GRM3: variants seen among roughly 807,000 people sequenced by gnomAD.
GRM3 encodes the protein glutamate metabotropic receptor 3.
A neutral mutation model predicts 70.5 loss-of-function variants in GRM3; 26 were observed. That is an observed-to-expected ratio of 0.37 (90% confidence interval 0.27 to 0.51). The LOEUF (loss-of-function observed/expected upper bound fraction) is 0.51. GRM3 is among the 20% of genes least tolerant of loss of function. GRM3 has a pLI of 0.93. For missense variants in GRM3, 859 were observed against 1,123.8 expected, an observed-to-expected ratio of 0.76 and a Z score of 3.37; for synonymous variants, 443 against 434.9, an observed-to-expected ratio of 1.02 and a Z score of -0.23.
At chr7:86,759,491 T>C (rs964975792) in intron 1 of GRM3, among the ~76,000 whole-genome samples, 2 of 152,156 alleles carry the variant, frequency 1.3e-5, no homozygotes, top group African/African-American at 2.4e-5. Context: ...TGCATGCTAC[T>C]GGGAATTTAT....
At chr7:86,668,348 A>T (rs1269480789) in intron 1 of GRM3, among the ~76,000 whole-genome samples, 1 of 152,070 alleles carries the variant, frequency 6.6e-6, no homozygotes, top group African/African-American at 2.4e-5. Context: ...AAATGTACAT[A>T]CATTCACTCA....
At chr7:86,796,003 C>T (rs900280220) in intron 3 of GRM3, among the ~76,000 whole-genome samples, 3 of 152,134 alleles carry the variant, frequency 2.0e-5, no homozygotes, top group Non-Finnish European at 2.9e-5. Flanking sequence ...AATTTTCTCC[C>T]GTTCCGTAGG....
chr7:86,787,989 G>C (rs1264428361), intron 3 of GRM3, among the ~76,000 whole-genome samples: 1 of 152,130 alleles, frequency 6.6e-6, no homozygotes, highest in African/African-American at 2.4e-5. Context: ...CACTTGTTCT[G>C]GGTAGTATAG....
chr7:86,850,578 C>T, intron 5 of GRM3, 34 bp downstream of exon 5: 2 of 1,426,270 alleles, frequency 1.4e-6, no homozygotes, highest in Non-Finnish European at 9.9e-7. Flanking sequence ...CTCCTTCATA[C>T]ATAGCATTGT....
At position 86,660,223 on chromosome 7, in the gene GRM3, G is replaced by A. The variant is rs375325790; in HGVS notation, c.-141+15351G>A. On this transcript the variant is annotated intron_variant, in intron 1 of 5. Transcript: ENST00000361669. ...TGAAACTGACCTTAAATCCCTAGGAGGAGAACAGAACAGCTTAAAGCAACC... is the reference window on the plus strand; with the variant it reads ...TGAAACTGACCTTAAATCCCTAGGAAGAGAACAGAACAGCTTAAAGCAACC... 5.3e-5 allele frequency among the ~76,000 whole-genome samples: 8 copies of A among 152,130 alleles called. No individual in the cohort carries two copies. The East Asian group carries it at 7.7e-4, about 15-fold the overall frequency.
At chr7:86,760,022 C>T (rs1054504290) in intron 1 of GRM3, among the ~76,000 whole-genome samples, 6 of 152,102 alleles carry the variant, frequency 3.9e-5, no homozygotes, top group African/African-American at 1.4e-4. Context: ...TCAAATTGCA[C>T]ATACTAGGAC....
At chr7:86,685,730 C>T (rs1312527880) in intron 1 of GRM3, among the ~76,000 whole-genome samples, 2 of 151,916 alleles carry the variant, frequency 1.3e-5, no homozygotes, top group Admixed American at 6.6e-5. Flanking sequence ...CAGGGTGAAA[C>T]CCCTTCTCTA....
intron 3 of GRM3, among the ~76,000 whole-genome samples, chr7:86,797,325 C>A (rs1051225145): frequency 2.6e-5 from 4 of 152,102 alleles, no homozygotes; most frequent in African/African-American, 9.7e-5. Context: ...ACAATGAAGT[C>A]CAGCTTGAAT....
intron 1 of GRM3, among the ~76,000 whole-genome samples, chr7:86,733,442 C>T (rs1180504366): frequency 1.3e-5 from 2 of 152,024 alleles, no homozygotes; most frequent in African/African-American, 4.8e-5. Context: ...ATTCTTCCTT[C>T]CTGAAGGTAC....
intron 1 of GRM3, among the ~76,000 whole-genome samples, chr7:86,746,068 A>T (rs969231215): frequency 6.6e-6 from 1 of 151,928 alleles, no homozygotes; most frequent in Non-Finnish European, 1.5e-5. Context: ...CTTTTTATCC[A>T]ACTTTGTCAA....
In GRM3 at chr7:86,813,162, C is replaced by T. The variant is rs189318286; in HGVS notation, c.1325-25677C>T. ...TGTGTTTCAAGTAATAAAATCTATA[C>T]CCATCAGCTAAATGCGCAAAATTCT... On this transcript the variant is annotated intron_variant, in intron 3 of 5. Coordinates refer to ENST00000361669, the MANE Select transcript of GRM3 (RefSeq NM_000840.3). 3.8e-4 allele frequency among the ~76,000 whole-genome samples: 58 copies of T among 151,694 alleles called. No homozygotes were observed. The East Asian group carries it at 9.3e-3, about 24-fold the overall frequency.
chr7:86,744,492 T>C (rs1296423335), intron 1 of GRM3, among the ~76,000 whole-genome samples: 1 of 151,790 alleles, frequency 6.6e-6, no homozygotes, highest in East Asian at 2.0e-4. Flanking sequence ...GAGGAAATAC[T>C]ATCCACAGGA....
At chr7:86,845,320 T>G (rs753228101) in intron 4 of GRM3, among the ~76,000 whole-genome samples, 8 of 152,216 alleles carry the variant, frequency 5.3e-5, no homozygotes, top group Non-Finnish European at 1.0e-4. Flanking sequence ...GTGCTGTTAT[T>G]GATCCTATCC....
At chr7:86,833,827 T>C (rs1798404834) in intron 3 of GRM3, among the ~76,000 whole-genome samples, 1 of 152,236 alleles carries the variant, frequency 6.6e-6, no homozygotes, top group South Asian at 2.1e-4. Flanking sequence ...AAATGGCTTT[T>C]TTTTGTTTAG....
At chr7:86,723,244 A>G (rs114181053) in intron 1 of GRM3, among the ~76,000 whole-genome samples, 1 of 152,112 alleles carries the variant, frequency 6.6e-6, no homozygotes, top group East Asian at 1.9e-4. Flanking sequence ...AATATAGAAT[A>G]TAGCTCAGGT....
intron 3 of GRM3, among the ~76,000 whole-genome samples, chr7:86,827,069 A>C (rs1798249232): frequency 6.6e-6 from 1 of 152,222 alleles, no homozygotes; most frequent in Admixed American, 6.5e-5. Flanking sequence ...AGGCTTAGGA[A>C]TAGCAAAGAG....
intron 1 of GRM3, among the ~76,000 whole-genome samples, chr7:86,671,896 T>C (rs1238097313): frequency 1.3e-5 from 2 of 152,180 alleles, no homozygotes; most frequent in East Asian, 1.9e-4. Flanking sequence ...AAAAGGTCCA[T>C]TGGACATCCA....
intron 1 of GRM3, among the ~76,000 whole-genome samples, chr7:86,662,618 C>T (rs1793921645): frequency 6.6e-6 from 1 of 151,746 alleles, no homozygotes; most frequent in Non-Finnish European, 1.5e-5. Context: ...TTATAAGAGT[C>T]TTATAATGTC....
intron 1 of GRM3, among the ~76,000 whole-genome samples, chr7:86,667,202 T>G (rs1255977518): frequency 6.6e-6 from 1 of 152,118 alleles, no homozygotes; most frequent in South Asian, 2.1e-4. Context: ...TACTTGCACA[T>G]CTGACCTAAA....
Sources: gnomAD v4.1 joint callset for allele counts (sites outside exome capture counted in the v4.1 genomes callset) on GRCh38, gnomAD v4.1.1 for gene constraint, MANE v1.5 for transcripts, NCBI Gene and HGNC (gene_info 2026-07-23, HGNC 2026-07-21) for gene names.